Variants in CDH13 observed in about 807,000 individuals in gnomAD.
CDH13 encodes the protein cadherin-13.
In CDH13, 24 loss-of-function variants were observed where a neutral mutation model predicts 63.8. The observed-to-expected ratio is 0.38, with a 90% CI of 0.27 to 0.53. The LOEUF (loss-of-function observed/expected upper bound fraction) is 0.53, where lower values mean the gene tolerates loss of function less well. Ranked by LOEUF, CDH13 falls within the 20% of genes least tolerant of loss-of-function variation. CDH13 has a pLI of 0.85. For missense variants in CDH13, 1,049 were observed against 903.1 expected (o/e 1.16, Z -2.07); for synonymous variants, 503 against 355.3 (o/e 1.42, Z -4.67).
At chr16:83,409,945 C>A (rs991886411) in intron 6 of CDH13, among the ~76,000 whole-genome samples, 2 of 152,122 alleles carry the variant, frequency 1.3e-5, no homozygotes, top group Admixed American at 6.6e-5. Context: ...AGAAATGTTT[C>A]CAGAAGATAT....
intron 2 of CDH13, among the ~76,000 whole-genome samples, chr16:82,927,971 G>C (rs1374561951): frequency 1.3e-5 from 2 of 152,136 alleles, no homozygotes; most frequent in African/African-American, 4.8e-5. Context: ...GAGATATATG[G>C]TTCTAATAAT....
At chr16:83,286,184 A>G (rs747248446) in intron 5 of CDH13, among the ~76,000 whole-genome samples, 14 of 152,188 alleles carry the variant, frequency 9.2e-5, no homozygotes, top group Non-Finnish European at 1.3e-4. Context: ...CACCTCAAGG[A>G]GTTTCGCCTC....
At chr16:82,846,675 A>G (rs955518755) in intron 1 of CDH13, among the ~76,000 whole-genome samples, 1 of 152,206 alleles carries the variant, frequency 6.6e-6, no homozygotes, top group African/African-American at 2.4e-5. Flanking sequence ...GTAGTTTATT[A>G]TATGTCCATG....
chr16:83,672,407 C>CTTT (rs1379215242), intron 9 of CDH13, among the ~76,000 whole-genome samples: 4 of 55,178 alleles, frequency 7.2e-5, no homozygotes, highest in Admixed American at 2.6e-4. Flanking sequence ...TCTCTGGATT[C>CTTT]TCTTTTTTTT....
chr16:83,701,038 A>C (rs1320018526), intron 10 of CDH13, among the ~76,000 whole-genome samples: 2 of 152,142 alleles, frequency 1.3e-5, no homozygotes, highest in African/African-American at 4.8e-5. Flanking sequence ...TATGGCCCTG[A>C]GCTGGGGGAT....
intron 6 of CDH13, among the ~76,000 whole-genome samples, chr16:83,402,627 A>G (rs1025110508): frequency 1.3e-5 from 2 of 152,220 alleles, no homozygotes; most frequent in South Asian, 4.1e-4. Flanking sequence ...CACTGTTCTC[A>G]TTGATAAATC....
intron 8 of CDH13, among the ~76,000 whole-genome samples, chr16:83,634,653 G>A (rs763495172): frequency 2.0e-5 from 3 of 151,968 alleles, no homozygotes; most frequent in Non-Finnish European, 2.9e-5. Flanking sequence ...CACCTGCCTC[G>A]GCCTCCCAAA....
intron 6 of CDH13, among the ~76,000 whole-genome samples, chr16:83,471,576 T>A (rs1284498825): frequency 6.6e-6 from 1 of 152,190 alleles, no homozygotes; most frequent in Non-Finnish European, 1.5e-5. Context: ...GCCTGGCCTT[T>A]CTAACCACAC....
chr16:82,906,140 G>C (rs770014975), intron 2 of CDH13, among the ~76,000 whole-genome samples: 19 of 152,148 alleles, frequency 1.2e-4, no homozygotes, highest in Non-Finnish European at 2.5e-4. Flanking sequence ...AGCAAGGAAA[G>C]AGAATCTCTG....
intron 6 of CDH13, among the ~76,000 whole-genome samples, chr16:83,390,449 A>C (rs1240485450): frequency 7.8e-6 from 1 of 128,442 alleles, no homozygotes; most frequent in African/African-American, 4.0e-5. Context: ...ATTTCTATTT[A>C]CAAATACTTT....
intron 5 of CDH13, among the ~76,000 whole-genome samples, chr16:83,320,429 A>G (rs1453991221): frequency 6.6e-6 from 1 of 152,174 alleles, no homozygotes; most frequent in Non-Finnish European, 1.5e-5. Flanking sequence ...CTGTGTTGTC[A>G]CCCAGGCATT....
chr16:83,433,670 C>G (rs1359899512), intron 6 of CDH13, among the ~76,000 whole-genome samples: 1 of 152,204 alleles, frequency 6.6e-6, no homozygotes, highest in Non-Finnish European at 1.5e-5. Flanking sequence ...AAGGGGAGCC[C>G]TCTCAAGTCC....
chr16:83,554,525 T>A (rs545514201), intron 7 of CDH13, among the ~76,000 whole-genome samples: 2 of 152,184 alleles, frequency 1.3e-5, no homozygotes, highest in East Asian at 1.9e-4. Flanking sequence ...TATGTTAAAA[T>A]TTTTTTTAAT....
chr16:82,795,842 C>T (rs984435988), intron 1 of CDH13, among the ~76,000 whole-genome samples: 11 of 152,154 alleles, frequency 7.2e-5, no homozygotes, highest in Non-Finnish European at 1.3e-4. Context: ...TGGAAAAGTG[C>T]CCTCAATCCC....
At chr16:82,833,157 T>G (rs979615668) in intron 1 of CDH13, among the ~76,000 whole-genome samples, 1 of 152,216 alleles carries the variant, frequency 6.6e-6, no homozygotes, top group African/African-American at 2.4e-5. Context: ...AAGAGCCTTG[T>G]GTAAGTCATC....
At chr16:83,244,931 C>A (rs1597586483) in intron 5 of CDH13, among the ~76,000 whole-genome samples, 2 of 152,020 alleles carry the variant, frequency 1.3e-5, no homozygotes, top group Non-Finnish European at 2.9e-5. Flanking sequence ...GAAGGAAAAA[C>A]GGTGTTCAGC....
At chr16:83,006,902 TTTTTTGTTTG>T (rs1431891077) in intron 2 of CDH13, among the ~76,000 whole-genome samples, 2 of 115,526 alleles carry the variant, frequency 1.7e-5, no homozygotes, top group South Asian at 3.3e-4. Context: ...AGTTTTGATT[TTTTTTGTTTG>T]TTTGTTTGTT....
chr16:83,748,384 G>T (rs1912787114), intron 11 of CDH13, 134 bp downstream of exon 11: 1 of 749,720 alleles, frequency 1.3e-6, no homozygotes, highest in African/African-American at 1.7e-5. Context: ...CAAAGTAAAT[G>T]TTTAAATATA....
intron 2 of CDH13, among the ~76,000 whole-genome samples, chr16:82,864,720 C>T (rs907366537): frequency 6.6e-6 from 1 of 152,094 alleles, no homozygotes; most frequent in African/African-American, 2.4e-5. Context: ...GTTATTCCGC[C>T]CCTGGTTCCT....
Sources: gnomAD v4.1 joint callset for allele counts (sites outside exome capture counted in the v4.1 genomes callset) on GRCh38, gnomAD v4.1.1 for gene constraint, MANE v1.5 for transcripts, NCBI Gene and HGNC (gene_info 2026-07-23, HGNC 2026-07-21) for gene names.